Variants in GRAMD4 observed in about 807,000 individuals in gnomAD.
GRAMD4 encodes GRAM domain-containing protein 4.
In GRAMD4, 25 loss-of-function variants were observed where a neutral mutation model predicts 83.9. The ratio of observed to expected loss-of-function variants is 0.30; its 90% confidence interval spans 0.22 to 0.42. The LOEUF (loss-of-function observed/expected upper bound fraction) is 0.42. Ranked by LOEUF, GRAMD4 falls within the 10% of genes least tolerant of loss-of-function variation. The pLI, the probability that GRAMD4 is intolerant of heterozygous loss-of-function variation, is 1.00. For missense variants in GRAMD4, 593 were observed against 788.7 expected (o/e 0.75, Z 2.97); for synonymous variants, 336 against 320.9 (o/e 1.05, Z -0.50).
intron 16 of GRAMD4, 51 bp from the exon 17 acceptor site, chr22:46,675,417 G>A (rs2082581968): frequency 7.8e-7 from 1 of 1,277,642 alleles, no homozygotes; most frequent in African/African-American, 1.5e-5. Flanking sequence ...CCTGGTGGGA[G>A]CGTGCTCTGG....
intron 1 of GRAMD4, among the ~76,000 whole-genome samples, chr22:46,624,567 C>T (rs2081626606): frequency 6.6e-6 from 1 of 152,174 alleles, no homozygotes; most frequent in Non-Finnish European, 1.5e-5. Context: ...CCCTCGTGAT[C>T]CGCCTACCTT....
chr22:46,617,900 G>A (rs1601570391), upstream of GRAMD4, among the ~76,000 whole-genome samples: 1 of 152,252 alleles, frequency 6.6e-6, no homozygotes, highest in East Asian at 1.9e-4. Context: ...GTTTCTTCCT[G>A]GAGAAACATC....
At chr22:46,618,664 T>A (rs965046869), upstream of GRAMD4, among the ~76,000 whole-genome samples, 1 of 152,060 alleles carries the variant, frequency 6.6e-6, no homozygotes, top group African/African-American at 2.4e-5. The surrounding 1 kb of genome is among the most constrained non-coding windows in gnomAD (Gnocchi z 5.8). Flanking sequence ...GGAGAAGGCT[T>A]CGGGAGGCAC....
intron 13 of GRAMD4, among the ~76,000 whole-genome samples, chr22:46,670,547 C>T (rs1039398785): frequency 3.3e-5 from 5 of 152,166 alleles, no homozygotes; most frequent in Admixed American, 2.0e-4. Flanking sequence ...CGGGGCAGGC[C>T]GCCCTCCACG....
At chr22:46,641,113 C>G (rs2081969281) in intron 3 of GRAMD4, among the ~76,000 whole-genome samples, 1 of 152,148 alleles carries the variant, frequency 6.6e-6, no homozygotes, top group South Asian at 2.1e-4. Flanking sequence ...CACTGTGTCG[C>G]CCAGGCCGGA....
intron 1 of GRAMD4, among the ~76,000 whole-genome samples, chr22:46,584,119 C>T (rs1360250002): frequency 6.6e-6 from 1 of 152,168 alleles, no homozygotes; most frequent in Non-Finnish European, 1.5e-5. Flanking sequence ...CACCCCTTCA[C>T]GGTGGGTGGT....
intron 8 of GRAMD4, among the ~76,000 whole-genome samples, chr22:46,665,189 C>T (rs776561411): frequency 1.3e-5 from 2 of 152,240 alleles, no homozygotes; most frequent in African/African-American, 2.4e-5. Context: ...GCTCTGCGTC[C>T]CGGGCTCTGT....
chr22:46,623,103 C>T (rs535299587), intron 1 of GRAMD4, among the ~76,000 whole-genome samples: 13 of 152,226 alleles, frequency 8.5e-5, no homozygotes, highest in African/African-American at 2.4e-4. Context: ...TCTCTTCACG[C>T]ACCTGTTTGC....
At chr22:46,581,283 C>T (rs746652495) in intron 1 of GRAMD4, among the ~76,000 whole-genome samples, 5 of 152,248 alleles carry the variant, frequency 3.3e-5, no homozygotes, top group Non-Finnish European at 7.3e-5. Context: ...TCATTCTGCA[C>T]AGCAGGCCTG....
At chr22:46,668,623 G>A in intron 11 of GRAMD4, 66 bp from the exon 12 acceptor site, 1 of 1,462,024 alleles carries the variant, frequency 6.8e-7, no homozygotes, top group Non-Finnish European at 9.6e-7. Flanking sequence ...GGCCCTCCTG[G>A]CGTCGCGGTG....
At chr22:46,658,115 C>G (rs1054828433) in intron 3 of GRAMD4, 72 bp from the exon 4 acceptor site, 1 of 1,596,986 alleles carries the variant, frequency 6.3e-7, no homozygotes, top group African/African-American at 1.3e-5. Context: ...TCAGGCACCC[C>G]TGCCCCAGCA....
chr22:46,613,856 T>TC (rs2081442504), intron 1 of GRAMD4, among the ~76,000 whole-genome samples: 1 of 104,320 alleles, frequency 9.6e-6, no homozygotes, highest in Non-Finnish European at 2.1e-5. Flanking sequence ...CAGGAACTCT[T>TC]TTGCATTTAG....
chr22:46,678,016 C>G lies in GRAMD4; in HGVS notation c.*765C>G. The G allele has an allele frequency of 1.0e-6, 1 of 985,728 alleles. No homozygotes were observed. The allele number at this position is 985,728 out of a possible 1,614,324, so 61.1% of individuals were successfully genotyped here. A position where few individuals can be genotyped will look rare whatever the true frequency, so the allele number is the denominator to read the frequency against. ...CGGCCTGACACGCCGGCCAGGAGGT[C>G]TGTAGCTGGGGACCAGTAAGGGCAC... On this transcript the variant is annotated 3_prime_UTR_variant, in exon 19 of 19. Transcript: ENST00000406902.
rs1316255728 is a variant in GRAMD4 at position 46,658,208 on chromosome 22, G to A, written c.305G>A (p.Arg102Gln). 3 of 1,613,780 alleles carry A rather than the reference G, an allele frequency of 1.9e-6. No individual in the cohort carries two copies. Among genetic ancestry groups the A allele is most frequent in the Non-Finnish European group, 2.5e-6 (3 of 1,179,950 alleles). ...HFLQEELRKL[R>Q]EETNAEMLRQ... ...ATAGAGGAGGAGCTCCGGAAGCTGCGAGAAGAAACCAACGCGGAGATGCTG... is the reference window on the plus strand; with the variant it reads ...ATAGAGGAGGAGCTCCGGAAGCTGCAAGAAGAAACCAACGCGGAGATGCTG... Residue 102 changes from arginine to glutamine, a missense_variant, in exon 4 of 19, where the codon CGA becomes CAA. By Grantham distance (43) the Arg-to-Gln change is conservative. Coordinates refer to ENST00000406902, the MANE Select transcript of GRAMD4 (RefSeq NM_015124.5).
chr22:46,595,814 AG>A (rs1296033154), intron 1 of GRAMD4, among the ~76,000 whole-genome samples: 1 of 152,252 alleles, frequency 6.6e-6, no homozygotes, highest in Non-Finnish European at 1.5e-5. Context: ...GACAGGTGCC[AG>A]GGTGAAACAC....
At chr22:46,628,013 G>A (rs1202616143) in intron 2 of GRAMD4, among the ~76,000 whole-genome samples, 3 of 152,196 alleles carry the variant, frequency 2.0e-5, no homozygotes, top group Non-Finnish European at 4.4e-5. Flanking sequence ...GAACGGCAGG[G>A]GCCTGCCTTC....
At chr22:46,655,263 G>T (rs1220438223) in intron 3 of GRAMD4, among the ~76,000 whole-genome samples, 2 of 151,412 alleles carry the variant, frequency 1.3e-5, no homozygotes, top group Non-Finnish European at 2.9e-5. Context: ...GGGTGCTGAG[G>T]CTGGGAGTGG....
chr22:46,586,732 C>T, intron 1 of GRAMD4, among the ~76,000 whole-genome samples: 1 of 152,218 alleles, frequency 6.6e-6, no homozygotes, highest in East Asian at 1.9e-4. Context: ...GGGGGAACCC[C>T]TACCTGTCTG....
At chr22:46,650,400 G>A (rs893977746) in intron 3 of GRAMD4, among the ~76,000 whole-genome samples, 2 of 151,542 alleles carry the variant, frequency 1.3e-5, no homozygotes, top group African/African-American at 4.9e-5. Context: ...AGGCTGGGAG[G>A]AGGGCTGAGC....
Sources: gnomAD v4.1 joint callset for allele counts (sites outside exome capture counted in the v4.1 genomes callset) on GRCh38, gnomAD v4.1.1 for gene constraint, Gnocchi (gnomAD v3.1) non-coding constraint, MANE v1.5 for transcripts, NCBI Gene and HGNC (gene_info 2026-07-23, HGNC 2026-07-21) for gene names.